COL4A1: variants seen among roughly 807,000 people sequenced by gnomAD.
The protein encoded by COL4A1 is collagen type IV alpha 1 chain, also known as collagen alpha-1(IV) chain.
In COL4A1, 40 loss-of-function variants were observed where a neutral mutation model predicts 216.6. That is an observed-to-expected ratio of 0.18 (90% CI 0.14 to 0.24). The LOEUF is 0.24. COL4A1 is among the 10% of genes least tolerant of loss of function. COL4A1 has a pLI of 1.00. For missense variants in COL4A1, 1,628 were observed against 2,196.8 expected (o/e 0.74, Z 5.18); for synonymous variants, 839 against 810.7 (o/e 1.03, Z -0.59).
chr13:110,273,682 G>A lies in COL4A1; in HGVS notation c.85-30948C>T, dbSNP rs546988708. 3.9e-5 allele frequency among the ~76,000 whole-genome samples: 6 copies of A among 152,280 alleles called. No homozygotes were observed. The East Asian group carries it at 9.6e-4, about 24-fold the overall frequency. On this transcript the variant is annotated intron_variant, in intron 1 of 51. Coordinates refer to ENST00000375820, the MANE Select transcript of COL4A1 (RefSeq NM_001845.6). ...CTTCTTTCAAAAGCATAGGCACCAG[G>A]GAATGGGTATAAAGTCTGGAAAACT...
chr13:110,198,078 GGTGTGTGTGTGTGTGTGTGTGT>G (rs35751015), intron 21 of COL4A1, among the ~76,000 whole-genome samples: 3 of 141,842 alleles, frequency 2.1e-5, no homozygotes, highest in South Asian at 2.3e-4. Flanking sequence ...TTGTTTCTGG[GGTGTGTGTGTGTGTGTGTGTGT>G]GTGTGTGTGT....
intron 1 of COL4A1, among the ~76,000 whole-genome samples, chr13:110,290,863 G>A (rs749714461): frequency 6.6e-5 from 10 of 152,178 alleles, no homozygotes; most frequent in Non-Finnish European, 1.3e-4. Context: ...CTATCCTGCC[G>A]GTGACGCTGG....
At chr13:110,254,830 C>A (rs1161531420) in intron 1 of COL4A1, among the ~76,000 whole-genome samples, 2 of 152,174 alleles carry the variant, frequency 1.3e-5, no homozygotes, top group Admixed American at 1.3e-4. Flanking sequence ...TAGGTAAGCC[C>A]TCCTTTTCCA....
At chr13:110,186,339 C>T in intron 26 of COL4A1, 46 bp downstream of exon 26, 1 of 1,610,614 alleles carries the variant, frequency 6.2e-7, no homozygotes, top group Non-Finnish European at 8.5e-7. Flanking sequence ...CTGCCCTAAC[C>T]TCCGTTTACA....
Position 110,186,428 on chromosome 13 carries a change from T to C in COL4A1, c.1854A>G (p.Gly618=). The C allele has an allele frequency of 1.2e-6, 2 of 1,613,752 alleles. No homozygotes were observed. Among genetic ancestry groups the C allele is most frequent in the Non-Finnish European group, 1.7e-6 (2 of 1,180,042 alleles). Residue 618 remains glycine, a synonymous_variant, in exon 26 of 52, where the codon GGA becomes GGG. Transcript: ENST00000375820. ...CAGGGCCTCCAGGAAAGCCTGCTTG[T>C]CCTTTGTCACCAATGGGACCAGCAG... The part of the protein sequence containing the change: ...YGPAGPIGDK[G]QAGFPGGPGS...
chr13:110,182,895 G>T lies in COL4A1; in HGVS notation c.2095+98C>A, dbSNP rs117494404. ...TCTTCTGAAAGCCTCCCTGAACAGC[G>T]GTCACCAGCTTCTGTGGTGTTTTGA... On this transcript the variant is annotated intron_variant, in intron 28 of 51. Coordinates refer to ENST00000375820, the MANE Select transcript of COL4A1 (RefSeq NM_001845.6). 8 of 1,155,448 alleles carry T rather than the reference G, an allele frequency of 6.9e-6. No homozygotes were observed. The Admixed American group carries it at 1.6e-4, about 24-fold the overall frequency. The allele number at this position is 1,155,448 out of a possible 1,614,324, so 71.6% of individuals were successfully genotyped here. A position where few individuals can be genotyped will look rare whatever the true frequency, so the allele number is the denominator to read the frequency against.
At chr13:110,191,373 T>C (rs751214320) in intron 24 of COL4A1, 3 of 299,056 alleles carry the variant, frequency 1.0e-5, no homozygotes, top group Non-Finnish European at 1.2e-5. Context: ...AAAAAAGGAA[T>C]GAAAGGAATT....
intron 2 of COL4A1, among the ~76,000 whole-genome samples, chr13:110,232,970 T>C (rs948307444): frequency 1.3e-5 from 2 of 152,152 alleles, no homozygotes; most frequent in Non-Finnish European, 2.9e-5. Context: ...GAAACGAGAA[T>C]GTGCAGCTCA....
At chr13:110,291,468 T>C (rs999286016) in intron 1 of COL4A1, among the ~76,000 whole-genome samples, 3 of 152,186 alleles carry the variant, frequency 2.0e-5, no homozygotes, top group East Asian at 1.9e-4. Flanking sequence ...GGTCACAGCA[T>C]GGACCTCGCT....
At chr13:110,154,973 G>T (rs1042074736) in intron 50 of COL4A1, among the ~76,000 whole-genome samples, 1 of 152,242 alleles carries the variant, frequency 6.6e-6, no homozygotes, top group Admixed American at 6.5e-5. Flanking sequence ...GAACAGACCC[G>T]TAGAGCACCT....
chr13:110,250,204 A>C (rs988823936), intron 1 of COL4A1, among the ~76,000 whole-genome samples: 3 of 133,978 alleles, frequency 2.2e-5, no homozygotes, highest in African/African-American at 9.7e-5. Context: ...CATTCTTGGC[A>C]AAAAAAAAAA....
At chr13:110,192,751 A>G in intron 23 of COL4A1, 79 bp downstream of exon 23, 2 of 1,243,426 alleles carry the variant, frequency 1.6e-6, no homozygotes, top group Non-Finnish European at 2.3e-6. Context: ...CCTTCTATGG[A>G]GTGAAATCCC....
intron 1 of COL4A1, 98 bp downstream of exon 1, chr13:110,306,846 G>T: frequency 8.5e-7 from 1 of 1,175,852 alleles, no homozygotes; most frequent in Non-Finnish European, 1.1e-6. Context: ...CGCGACCCCC[G>T]AGGGGCAGGC....
rs677858 is a variant in COL4A1, at chr13:110,171,040, T to G, written c.3557-308A>C. On this transcript the variant is annotated intron_variant, in intron 41 of 51. Coordinates refer to ENST00000375820, the MANE Select transcript of COL4A1 (RefSeq NM_001845.6). ...CATCTGAATTGTGTTTAAAGACATCTGCAGCAACTGCACTGCTAAACGAAA... is the reference window on the plus strand; with the variant it reads ...CATCTGAATTGTGTTTAAAGACATCGGCAGCAACTGCACTGCTAAACGAAA... 0.019 allele frequency among the ~76,000 whole-genome samples: 2,957 copies of G among 152,350 alleles called. 88 individuals carry two copies. The highest frequency in any genetic ancestry group is 0.067 in the African/African-American group (2,788 of 41,578).
intron 19 of COL4A1, among the ~76,000 whole-genome samples, chr13:110,201,183 C>T (rs958307400): frequency 4.2e-5 from 6 of 143,124 alleles, no homozygotes; most frequent in Middle Eastern, 3.6e-3. Flanking sequence ...TGGAGGAACA[C>T]AGGTCAAAAC....
At chr13:110,243,825 A>T (rs1191863630) in intron 1 of COL4A1, among the ~76,000 whole-genome samples, 1 of 152,248 alleles carries the variant, frequency 6.6e-6, no homozygotes, top group Non-Finnish European at 1.5e-5. Context: ...TGGAAACTGA[A>T]TTAGAAGATT....
In COL4A1 at chr13:110,161,204, G is replaced by A. The variant is rs766908689; in HGVS notation, c.4628C>T (p.Pro1543Leu). ...ATGCTCGACTCACCTACTAATAAATGGTCTTATGTTTTCCCCCGTGATGGG... is the reference window on the plus strand; with the variant it reads ...ATGCTCGACTCACCTACTAATAAATAGTCTTATGTTTTCCCCCGTGATGGG... Reference protein sequence around the residue: ...MAPITGENIRPFISRCAVCEA... With the variant: ...MAPITGENIRLFISRCAVCEA... The change falls in exon 49 of 52, where the codon CCA becomes CTA. Residue 1543 changes from proline to leucine, a missense_variant. This residue lies in a region of COL4A1 where 254 missense variants were observed against 300.1 expected (regional missense o/e 0.85). Coordinates refer to ENST00000375820, the MANE Select transcript of COL4A1 (RefSeq NM_001845.6). 1 of 1,614,184 alleles carries A rather than the reference G, an allele frequency of 6.2e-7. No individual in the cohort carries two copies. Among genetic ancestry groups the A allele is most frequent in the South Asian group, 1.1e-5 (1 of 91,084 alleles).
Position 110,174,609 on chromosome 13 carries a change from C to A in COL4A1, c.3325+14G>T. ...TTAGATTCCCCAAGTCCAAGAGAAG[C>A]CCCCCTCACCTACCTGGATAGCCAA... is the stretch of plus-strand genomic sequence containing the variant. On this transcript the variant is annotated intron_variant, in intron 38 of 51. Coordinates refer to ENST00000375820, the MANE Select transcript of COL4A1 (RefSeq NM_001845.6). 6.2e-7 allele frequency: 1 copy of A among 1,614,120 alleles called. No homozygotes were observed. Among genetic ancestry groups the A allele is most frequent in the Non-Finnish European group, 8.5e-7 (1 of 1,180,012 alleles).
intron 2 of COL4A1, among the ~76,000 whole-genome samples, chr13:110,241,247 A>G (rs9515172): frequency 1.3e-5 from 2 of 152,228 alleles, no homozygotes; most frequent in Non-Finnish European, 2.9e-5. Flanking sequence ...GGGGCCGCCA[A>G]GGCCTGCCGG....
Sources: gnomAD v4.1 joint callset for allele counts (sites outside exome capture counted in the v4.1 genomes callset) on GRCh38, gnomAD v4.1.1 for gene constraint, gnomAD v4.1.1 regional missense constraint, MANE v1.5 for transcripts, NCBI Gene and HGNC (gene_info 2026-07-23, HGNC 2026-07-21) for gene names.